The following DENND3 variants were observed in gnomAD, a reference collection of about 807,000 sequenced individuals.
DENND3 encodes DENN domain containing 3, also known as DENN domain-containing protein 3.
DENND3 carries 88 observed loss-of-function variants against 135.1 expected under a neutral mutation model. The observed-to-expected ratio is 0.65, with a 90% CI of 0.55 to 0.78. The LOEUF is 0.78. Among genes scored for constraint, DENND3 ranks in the 30% least tolerant of loss-of-function variants. DENND3 has a pLI of 0.00. For missense variants in DENND3, 1,392 were observed against 1,688.4 expected, an observed-to-expected ratio of 0.82 and a Z score of 3.08; for synonymous variants, 693 against 712.3, an observed-to-expected ratio of 0.97 and a Z score of 0.43.
Position 141,141,395 on chromosome 8 carries a change from A to G in DENND3, c.623+71A>G. The stretch of plus-strand genomic sequence containing the variant: ...TGTGCCTCTCCAGGTGAGCCAAGGG[A>G]CCAGGGGGCTGGAGGTGGTGGGGGG... On this transcript the variant is annotated intron_variant, in intron 4 of 22. Coordinates refer to ENST00000519811, the MANE Select transcript of DENND3 (RefSeq NM_001352890.3). This position sits in a 1 kb window ranked among gnomAD's most constrained non-coding sequence, Gnocchi z 5.3. 4.5e-6 allele frequency: 4 copies of G among 894,284 alleles called. No individual in the cohort carries two copies. The highest frequency in any genetic ancestry group is 3.4e-5 in the South Asian group (2 of 58,012). The allele number at this position is 894,284 out of a possible 1,614,324, so 55.4% of individuals were successfully genotyped here.
At chr8:141,192,821 A>G (rs768368984) in intron 22 of DENND3, 158 bp downstream of exon 22, 2 of 1,555,658 alleles carry the variant, frequency 1.3e-6, no homozygotes, top group African/African-American at 1.4e-5. Context: ...GTTGGTGCCA[A>G]CGGGCCCACA....
chr8:141,151,962 C>T (rs941859292), intron 7 of DENND3, 125 bp downstream of exon 7: 25 of 1,194,488 alleles, frequency 2.1e-5, no homozygotes, highest in African/African-American at 7.5e-5. Flanking sequence ...AGAGAGGTCA[C>T]GGGTACCGTG....
chr8:141,195,716 A>C lies in DENND3; in HGVS notation c.*1483A>C, dbSNP rs1338644646. Reference sequence around the variant, plus strand: ...TCCTTATGATAAAAGTCTGTCAGTCAAAAATACATTTATAAATTATTTAAT... The same window carrying C: ...TCCTTATGATAAAAGTCTGTCAGTCCAAAATACATTTATAAATTATTTAAT... On this transcript the variant is annotated 3_prime_UTR_variant, in exon 23 of 23. Transcript: ENST00000519811. 1 of 152,228 alleles carries C rather than the reference A, an allele frequency of 6.6e-6. No homozygotes were observed. The highest frequency in any genetic ancestry group is 1.5e-5 in the Non-Finnish European group (1 of 68,046). The allele number at this position is 152,228 out of a possible 1,614,324, so 9.4% of individuals were successfully genotyped here.
chr8:141,194,168 G>A lies in DENND3; in HGVS notation c.3772G>A (p.Asp1258Asn). The change falls in exon 23 of 23, where the codon GAC becomes AAC. Residue 1258 changes from aspartate (D) to asparagine (N), a missense_variant. Physicochemically the swap from Asp to Asn is conservative, Grantham distance 23. Coordinates refer to ENST00000519811, the MANE Select transcript of DENND3 (RefSeq NM_001352890.3). ...DTVRTLCSAE[D>N]RYVLSGSGRE... ...CGTGAGGACGCTGTGCTCGGCTGAG[G>A]ACAGATACGTGCTGAGTGGGTCGGG... 2 of 1,613,740 alleles carry A rather than the reference G, an allele frequency of 1.2e-6. No individual in the cohort carries two copies. The highest frequency in any genetic ancestry group is 2.2e-5 in the East Asian group (1 of 44,872).
rs765275383 is a variant in DENND3, at chr8:141,168,031, A to G, written c.1781A>G (p.Tyr594Cys). Residue 594 changes from tyrosine (Y) to cysteine (C), a missense_variant, in exon 13 of 23, where the codon TAT (tyrosine) becomes TGT (cysteine). Physicochemically the swap from Tyr to Cys is radical, Grantham distance 194. Coordinates refer to ENST00000519811, the MANE Select transcript of DENND3 (RefSeq NM_001352890.3). The surrounding 1 kb of genome is among the most constrained non-coding windows in gnomAD (Gnocchi z 6.2). ...AVLNVTPKSP[Y>C]TFKIPEIHFP... is the part of the protein sequence containing the mutation. ...CTGAATGTCACGCCGAAGTCCCCGT[A>G]TACATTCAAGATTCCCGAAATCCAC... is the stretch of plus-strand genomic sequence containing the variant. The G allele has an allele frequency of 3.7e-6, 6 of 1,613,342 alleles. No individual in the cohort carries two copies. The South Asian group carries it at 4.4e-5, about 12-fold the overall frequency.
chr8:141,163,183 C>A, intron 9 of DENND3, 150 bp from the exon 10 acceptor site: 1 of 522,240 alleles, frequency 1.9e-6, no homozygotes, highest in South Asian at 2.9e-5. Flanking sequence ...ACATCCACAT[C>A]GTATCATTTT....
intron 13 of DENND3, among the ~76,000 whole-genome samples, chr8:141,169,810 G>A (rs796083063): frequency 8.5e-5 from 13 of 152,356 alleles, no homozygotes; most frequent in African/African-American, 2.6e-4. Flanking sequence ...TTTTCAAGAC[G>A]TATCTGTGTT....
In DENND3 at chr8:141,182,881, C is replaced by T. The variant is rs573037013; in HGVS notation, c.2944+2027C>T. ...GGCTCTGCCCATGGGGAGCGTGCCT[C>T]TCAGAGACGGCAGTGTCTCACCCAT... On this transcript the variant is annotated intron_variant, in intron 17 of 22. Coordinates refer to ENST00000519811, the MANE Select transcript of DENND3 (RefSeq NM_001352890.3). The surrounding 1 kb of genome is among the most constrained non-coding windows in gnomAD (Gnocchi z 5.9). 1.3e-5 allele frequency among the ~76,000 whole-genome samples: 2 copies of T among 152,318 alleles called. No individual in the cohort carries two copies. Among genetic ancestry groups the T allele is most frequent in the South Asian group, 4.1e-4 (2 of 4,824 alleles).
chr8:141,183,872 GGA>G (rs767300660), intron 17 of DENND3, among the ~76,000 whole-genome samples: 17 of 152,112 alleles, frequency 1.1e-4, no homozygotes, highest in Non-Finnish European at 2.2e-4. Context: ...AAACAGGAGT[GGA>G]GTCCAGGCCG....
chr8:141,136,598 G>A lies in DENND3; in HGVS notation c.192G>A (p.Glu64=). ...SIFVPPFISK[E]DSQMAGANCG... ...TCGTGCCTCCTTTTATCAGTAAAGAGGACAGTCAAATGGCCGGTGCCAACT... is the reference window on the plus strand; with the variant it reads ...TCGTGCCTCCTTTTATCAGTAAAGAAGACAGTCAAATGGCCGGTGCCAACT... The change falls in exon 2 of 23, where the codon GAG becomes GAA. Residue 64 remains glutamate (E), a synonymous_variant. Coordinates refer to ENST00000519811, the MANE Select transcript of DENND3 (RefSeq NM_001352890.3). The A allele has an allele frequency of 6.3e-7, 1 of 1,595,872 alleles. No individual in the cohort carries two copies. The highest frequency in any genetic ancestry group is 8.5e-7 in the Non-Finnish European group (1 of 1,171,450).
chr8:141,156,036 C>T (rs748853993), intron 8 of DENND3, 66 bp downstream of exon 8: 15 of 1,491,450 alleles, frequency 1.0e-5, no homozygotes, highest in Middle Eastern at 3.6e-4. Flanking sequence ...TTTGCCACTT[C>T]GAGTATCTTT....
chr8:141,168,344 G>A lies in DENND3; in HGVS notation c.2094G>A (p.Met698Ile). The change falls in exon 13 of 23, where the codon ATG becomes ATA. Residue 698 changes from methionine to isoleucine, a missense_variant. Transcript: ENST00000519811. The surrounding 1 kb of genome is among the most constrained non-coding windows in gnomAD (Gnocchi z 6.2). The part of the protein sequence containing the change: ...WEGAEQAPEL[M>I]RLISEILDKP... Reference sequence around the variant, plus strand: ...GGGCTGAGCAGGCGCCGGAGCTGATGAGGCTCATCAGCGAGATCCTGGACA... The same window carrying A: ...GGGCTGAGCAGGCGCCGGAGCTGATAAGGCTCATCAGCGAGATCCTGGACA... The A allele has an allele frequency of 6.2e-7, 1 of 1,613,916 alleles. No homozygotes were observed. The highest frequency in any genetic ancestry group is 8.5e-7 in the Non-Finnish European group (1 of 1,180,026).
At chr8:141,145,671 C>G (rs1817937194) in intron 5 of DENND3, among the ~76,000 whole-genome samples, 1 of 151,740 alleles carries the variant, frequency 6.6e-6, no homozygotes, top group Non-Finnish European at 1.5e-5. Context: ...TGTCGTGGCA[C>G]TTCAGTGGTT....
intron 21 of DENND3, 22 bp from the exon 22 acceptor site, chr8:141,192,504 C>T: frequency 6.2e-7 from 1 of 1,607,970 alleles, no homozygotes; most frequent in Non-Finnish European, 8.5e-7. Flanking sequence ...GCCCATAGCC[C>T]ACACCGTGCC....
intron 13 of DENND3, among the ~76,000 whole-genome samples, chr8:141,169,604 CCTCT>C (rs1821253751): frequency 6.6e-6 from 1 of 152,170 alleles, no homozygotes; most frequent in African/African-American, 2.4e-5. Flanking sequence ...GCTCCGTGTG[CCTCT>C]CTCCCTCCCT....
chr8:141,136,207 G>A (rs563351964), intron 1 of DENND3, among the ~76,000 whole-genome samples: 5 of 152,338 alleles, frequency 3.3e-5, no homozygotes, highest in Admixed American at 6.5e-5. Context: ...TTGAACTCAG[G>A]TCTGTGGATC....
rs556045452 is a variant in DENND3, at chr8:141,150,704, C to T, written c.736-130C>T. The T allele has an allele frequency of 2.4e-5, 29 of 1,191,618 alleles. 2 individuals are homozygous for T. The South Asian group carries it at 3.7e-4, about 15-fold the overall frequency. The allele number at this position is 1,191,618 out of a possible 1,614,324, so 73.8% of individuals were successfully genotyped here. A position where few individuals can be genotyped will look rare whatever the true frequency, so the allele number is the denominator to read the frequency against. ...CGTTTGGTTATTCTGCAGAATTTAA[C>T]GTGGCAGCCTGTGTCTTCAGAAATG... On this transcript the variant is annotated intron_variant, in intron 5 of 22. Coordinates refer to ENST00000519811, the MANE Select transcript of DENND3 (RefSeq NM_001352890.3).
Position 141,168,212 on chromosome 8 carries a change from G to T in DENND3, c.1962G>T (p.Leu654=), listed in dbSNP as rs374348374. ...GLVYLMQGQL[L]NALLDFQNLY... ...TTTATCTGATGCAGGGACAGCTGCT[G>T]AACGCCCTCTTGGACTTCCAGAATC... Residue 654 remains leucine, a synonymous_variant, in exon 13 of 23, where the codon CTG becomes CTT. Coordinates refer to ENST00000519811, the MANE Select transcript of DENND3 (RefSeq NM_001352890.3). This position sits in a 1 kb window ranked among gnomAD's most constrained non-coding sequence, Gnocchi z 6.2. The T allele has an allele frequency of 1.2e-6, 2 of 1,614,050 alleles. No individual in the cohort carries two copies. Among genetic ancestry groups the T allele is most frequent in the Non-Finnish European group, 1.7e-6 (2 of 1,180,036 alleles).
rs759279025 is a variant in DENND3, at chr8:141,165,277, C to T, written c.1541C>T (p.Ser514Leu). 1.2e-5 allele frequency: 19 copies of T among 1,613,776 alleles called. No homozygotes were observed. Among genetic ancestry groups the T allele is most frequent in the African/African-American group, 9.3e-5 (7 of 74,918 alleles). Reference protein sequence around the residue: ...AFAQMDLDTQSEEDRINGMLL... With the variant: ...AFAQMDLDTQLEEDRINGMLL... ...GCTCAGATGGACCTCGACACCCAGT[C>T]GGAGGAGGACAGGTGCTTCACTGTT... The change falls in exon 11 of 23, where the codon TCG (serine) becomes TTG (leucine). Residue 514 changes from serine (S) to leucine (L), a missense_variant. By Grantham distance (145) the Ser-to-Leu change is moderately radical. Coordinates refer to ENST00000519811, the MANE Select transcript of DENND3 (RefSeq NM_001352890.3).
Sources: gnomAD v4.1 joint callset for allele counts (sites outside exome capture counted in the v4.1 genomes callset) on GRCh38, gnomAD v4.1.1 for gene constraint, Gnocchi (gnomAD v3.1) non-coding constraint, MANE v1.5 for transcripts, NCBI Gene and HGNC (gene_info 2026-07-23, HGNC 2026-07-21) for gene names.